The following CPLANE1 variants were observed in gnomAD, a reference collection of about 807,000 sequenced individuals.
CPLANE1 encodes the protein ciliogenesis and planar polarity effector 1.
CPLANE1 carries 263 observed loss-of-function variants against 362.5 expected under a neutral mutation model. The ratio of observed to expected loss-of-function variants is 0.73; its 90% CI spans 0.66 to 0.80. The LOEUF (loss-of-function observed/expected upper bound fraction) is 0.80. CPLANE1 is among the 30% of genes least tolerant of loss of function. The pLI, the probability that CPLANE1 is intolerant of heterozygous loss-of-function variation, is 0.00. For missense variants in CPLANE1, 3,461 were observed against 3,793.4 expected (o/e 0.91, Z 2.30); for synonymous variants, 1,212 against 1,302.6 (o/e 0.93, Z 1.50).
At chr5:37,109,864 C>T (rs1758620499) in intron 51 of CPLANE1, among the ~76,000 whole-genome samples, 1 of 152,114 alleles carries the variant, frequency 6.6e-6, no homozygotes, top group Admixed American at 6.6e-5. Flanking sequence ...ACCATATTGG[C>T]CAGGCTGGTT....
rs1792079352 is a variant in CPLANE1 at position 37,209,844 on chromosome 5, A to AC, written c.2921-3420dup. 1.5e-6 allele frequency: 2 copies of AC among 1,356,164 alleles called. No homozygotes were observed. Among genetic ancestry groups the AC allele is most frequent in the Middle Eastern group, 2.5e-4 (1 of 3,928 alleles). 84.0% of individuals were successfully genotyped at this position (1,356,164 alleles called of 1,614,324 possible). ...AGCTAAAGAAAGTTGTAATATGGAA[A>AC]CTCAGACAAGTTCGACATTTAGCAG... On this transcript the variant is annotated intron_variant, in intron 16 of 52. Coordinates refer to ENST00000651892, the MANE Select transcript of CPLANE1 (RefSeq NM_001384732.1). This position sits in a 1 kb window ranked among gnomAD's most constrained non-coding sequence, Gnocchi z 4.6.
At chr5:37,163,800 AG>A (rs1456954008) in intron 37 of CPLANE1, among the ~76,000 whole-genome samples, 4 of 152,198 alleles carry the variant, frequency 2.6e-5, no homozygotes, top group African/African-American at 9.6e-5. Context: ...TGAGAGGGTT[AG>A]AACTACCAGC....
chr5:37,211,147 A>T, intron 16 of CPLANE1: 1 of 1,224,864 alleles, frequency 8.2e-7, no homozygotes, highest in Non-Finnish European at 1.2e-6. Context: ...AATCCTTTTA[A>T]ACAGGAAAAA....
intron 50 of CPLANE1, among the ~76,000 whole-genome samples, chr5:37,116,903 C>T (rs1761184928): frequency 2.6e-5 from 4 of 152,116 alleles, no homozygotes; most frequent in Non-Finnish European, 5.9e-5. Context: ...CTCCATTCTC[C>T]CAAACACTGG....
intron 23 of CPLANE1, 116 bp downstream of exon 23, chr5:37,187,298 T>C: frequency 1.2e-6 from 1 of 840,292 alleles, no homozygotes. Context: ...CCACAAGATA[T>C]TATGCTAAGT....
At chr5:37,107,898 A>G in intron 52 of CPLANE1, 120 bp from the exon 53 acceptor site, 3 of 1,423,974 alleles carry the variant, frequency 2.1e-6, no homozygotes, top group Non-Finnish European at 2.8e-6. Flanking sequence ...TCATCCATCA[A>G]AAGGCTGAAG....
intron 46 of CPLANE1, among the ~76,000 whole-genome samples, chr5:37,125,856 C>CCTGT (rs1173221337): frequency 1.2e-3 from 185 of 152,230 alleles, no homozygotes; most frequent in African/African-American, 4.3e-3. Flanking sequence ...GTATGCAATG[C>CCTGT]ATAATAAACA....
At chr5:37,115,168 T>G in intron 50 of CPLANE1, 119 bp from the exon 51 acceptor site, 2 of 706,054 alleles carry the variant, frequency 2.8e-6, no homozygotes, top group East Asian at 2.7e-5. Context: ...CACCAAGCCC[T>G]GTTCACAGTA....
chr5:37,114,638 G>T (rs1429346410), intron 51 of CPLANE1, among the ~76,000 whole-genome samples: 1 of 152,152 alleles, frequency 6.6e-6, no homozygotes, highest in African/African-American at 2.4e-5. Flanking sequence ...AGTGGCTCAT[G>T]CCTGTAATCA....
chr5:37,165,084 C>T (rs887802316), intron 36 of CPLANE1, among the ~76,000 whole-genome samples: 1 of 151,942 alleles, frequency 6.6e-6, no homozygotes, highest in African/African-American at 2.4e-5. Flanking sequence ...ACAGCCTGTG[C>T]AACAGAGCAA....
intron 18 of CPLANE1, among the ~76,000 whole-genome samples, chr5:37,205,032 C>T (rs1790316139): frequency 6.6e-6 from 1 of 152,210 alleles, no homozygotes; most frequent in Non-Finnish European, 1.5e-5. Flanking sequence ...TGGCCCACGC[C>T]TGTAATCCCA....
chr5:37,096,360 A>G, the CPLANE1 span, among the ~76,000 whole-genome samples: 1 of 152,208 alleles, frequency 6.6e-6, no homozygotes, highest in African/African-American at 2.4e-5. Flanking sequence ...ACATGTAGGA[A>G]AATGAAAACT....
rs1231106920 is a variant in CPLANE1, at chr5:37,198,689, G to C, written c.3672+13C>G. On this transcript the variant is annotated intron_variant, in intron 20 of 52. Coordinates refer to ENST00000651892, the MANE Select transcript of CPLANE1 (RefSeq NM_001384732.1). The stretch of plus-strand genomic sequence containing the variant: ...GTTAACACAGCATGTAAATGACTAA[G>C]ATATTTCCATACCTTCTGCATGACT... The C allele has an allele frequency of 6.2e-7, 1 of 1,608,922 alleles. No homozygotes were observed.
intron 31 of CPLANE1, among the ~76,000 whole-genome samples, chr5:37,174,156 T>C (rs959691651): frequency 6.6e-6 from 1 of 152,136 alleles, no homozygotes; most frequent in Non-Finnish European, 1.5e-5. Context: ...TTTTCATCTT[T>C]ATTAAGGGAT....
Position 37,107,532 on chromosome 5 carries a change from CCTGTTAAT to C in CPLANE1, c.*62_*69del. The C allele has an allele frequency of 7.0e-7, 1 of 1,422,340 alleles. No individual in the cohort carries two copies. Among genetic ancestry groups the C allele is most frequent in the Non-Finnish European group, 9.3e-7 (1 of 1,078,908 alleles). 88.1% of individuals were successfully genotyped at this position (1,422,340 alleles called of 1,614,324 possible). On this transcript the variant is annotated 3_prime_UTR_variant, in exon 53 of 53. Transcript: ENST00000651892. ...TCTTTCATTGCTTCTGTCCCTTAAA[CCTGTTAAT>C]CTTTCAGAACCACATTACTGAGGTG...
At chr5:37,182,725 C>A (rs1783002631) in intron 26 of CPLANE1, 35 bp downstream of exon 26, 4 of 1,267,838 alleles carry the variant, frequency 3.2e-6, no homozygotes, top group South Asian at 1.3e-5. Context: ...AATGAGAATT[C>A]TCATTTGTAA....
rs1454337663 is a variant in CPLANE1, at chr5:37,186,286, C to T, written c.4189G>A (p.Gly1397Arg). The T allele has an allele frequency of 7.1e-7, 1 of 1,416,214 alleles. No homozygotes were observed. The highest frequency in any genetic ancestry group is 1.2e-5 in the South Asian group (1 of 83,092). 87.7% of individuals were successfully genotyped at this position (1,416,214 alleles called of 1,614,324 possible). Residue 1397 changes from glycine to arginine, a missense_variant and splice_region_variant, in exon 24 of 53, where the codon GGA becomes AGA. By Grantham distance (125) the Gly-to-Arg change is moderately radical. Transcript: ENST00000651892. ...CTATCTGAGAAACAACAAATAATAC[C>T]TTTCACAACACAGTGTCTGAGTCTC... Reference protein sequence around the residue: ...HQRLRHCVVKGPQTEEMMSVV... With the variant: ...HQRLRHCVVKRPQTEEMMSVV...
chr5:37,135,768 T>G (rs887241148), intron 46 of CPLANE1, among the ~76,000 whole-genome samples: 1 of 151,640 alleles, frequency 6.6e-6, no homozygotes. Context: ...GAGTCAGAGG[T>G]TGCAGTGAGC....
intron 43 of CPLANE1, among the ~76,000 whole-genome samples, chr5:37,143,127 C>T (rs1408238839): frequency 6.6e-6 from 1 of 152,200 alleles, no homozygotes; most frequent in African/African-American, 2.4e-5. Context: ...ACAGCAACCC[C>T]AAGTGAAGAA....
Sources: allele counts gnomAD v4.1 joint callset (sites outside exome capture counted in the v4.1 genomes callset), GRCh38; gene constraint gnomAD v4.1.1; non-coding constraint Gnocchi (gnomAD v3.1); transcripts MANE v1.5; gene names NCBI Gene and HGNC (gene_info 2026-07-23, HGNC 2026-07-21).